The following PRKG1 variants were observed in gnomAD, a reference collection of about 807,000 sequenced individuals.
PRKG1 encodes the protein protein kinase cGMP-dependent 1.
In PRKG1, 35 loss-of-function variants were observed where a neutral mutation model predicts 88.1. That is an observed-to-expected ratio of 0.40 (90% CI 0.30 to 0.53). The LOEUF (loss-of-function observed/expected upper bound fraction) is 0.53, where lower values mean the gene tolerates loss of function less well. Ranked by LOEUF, PRKG1 falls within the 20% of genes least tolerant of loss-of-function variation. PRKG1 has a pLI of 0.59. For synonymous variants in PRKG1, 303 were observed against 292.5 expected, an observed-to-expected ratio of 1.04 and a Z score of -0.37; for missense variants, 540 against 839.8, an observed-to-expected ratio of 0.64 and a Z score of 4.41.
intron 2 of PRKG1, among the ~76,000 whole-genome samples, chr10:51,163,060 G>A (rs1234902265): frequency 6.6e-6 from 1 of 152,110 alleles, no homozygotes; most frequent in Non-Finnish European, 1.5e-5. Flanking sequence ...AGCTACACAG[G>A]AGGCTGAGGC....
chr10:51,151,296 C>T (rs1846066214), intron 1 of PRKG1, among the ~76,000 whole-genome samples: 1 of 151,890 alleles, frequency 6.6e-6, no homozygotes, highest in Admixed American at 6.6e-5. Context: ...ATTCTTGAGA[C>T]CAGGAGTGGT....
At chr10:51,613,491 A>AT (rs1249935375) in intron 3 of PRKG1, among the ~76,000 whole-genome samples, 1 of 150,798 alleles carries the variant, frequency 6.6e-6, no homozygotes, top group African/African-American at 2.4e-5. Context: ...ATTCTTTGTA[A>AT]TTTTTTTAGT....
At chr10:51,352,429 A>G (rs1842270715) in intron 2 of PRKG1, among the ~76,000 whole-genome samples, 1 of 152,090 alleles carries the variant, frequency 6.6e-6, no homozygotes, top group African/African-American at 2.4e-5. Context: ...TTCCTTGAGC[A>G]GTGGTTCTAT....
intron 3 of PRKG1, among the ~76,000 whole-genome samples, chr10:51,474,247 C>T (rs1239808816): frequency 6.6e-6 from 1 of 151,966 alleles, no homozygotes; most frequent in Non-Finnish European, 1.5e-5. Flanking sequence ...TCTGACACTA[C>T]TTTGCTATAT....
intron 2 of PRKG1, among the ~76,000 whole-genome samples, chr10:51,298,985 A>G (rs1230469117): frequency 3.3e-5 from 5 of 152,192 alleles, no homozygotes; most frequent in Admixed American, 1.3e-4. Flanking sequence ...GCAATGGAGC[A>G]CAAAGGTTTG....
chr10:51,828,649 T>C (rs975421127), intron 4 of PRKG1, among the ~76,000 whole-genome samples: 3 of 152,188 alleles, frequency 2.0e-5, no homozygotes, highest in Non-Finnish European at 4.4e-5. Context: ...TTAAATTTTG[T>C]TCTAATGAAG....
At chr10:51,718,039 T>C (rs1425099331) in intron 3 of PRKG1, among the ~76,000 whole-genome samples, 1 of 152,128 alleles carries the variant, frequency 6.6e-6, no homozygotes, top group African/African-American at 2.4e-5. Context: ...AATTATTTCT[T>C]GTGCACTAGA....
intron 5 of PRKG1, among the ~76,000 whole-genome samples, chr10:52,046,247 A>T (rs1306443441): frequency 6.6e-6 from 1 of 152,116 alleles, no homozygotes; most frequent in Non-Finnish European, 1.5e-5. Flanking sequence ...TTTATGAGTT[A>T]TAAGATTCAG....
chr10:51,223,533 A>G (rs1428584312), intron 2 of PRKG1, among the ~76,000 whole-genome samples: 1 of 152,202 alleles, frequency 6.6e-6, no homozygotes, highest in Non-Finnish European at 1.5e-5. Context: ...TGTATTCTCT[A>G]TAGGATTCTA....
At chr10:52,027,332 G>T (rs1294274752) in intron 5 of PRKG1, among the ~76,000 whole-genome samples, 1 of 152,156 alleles carries the variant, frequency 6.6e-6, no homozygotes, top group Non-Finnish European at 1.5e-5. Flanking sequence ...TGGTGGATGA[G>T]GGTGAGTGTG....
At chr10:51,820,885 A>G (rs1482470725) in intron 4 of PRKG1, among the ~76,000 whole-genome samples, 1 of 152,204 alleles carries the variant, frequency 6.6e-6, no homozygotes, top group Non-Finnish European at 1.5e-5. Flanking sequence ...GTACTGTAAA[A>G]TACACAAATC....
chr10:52,016,865 T>C (rs1239241016), intron 5 of PRKG1, among the ~76,000 whole-genome samples: 1 of 152,062 alleles, frequency 6.6e-6, no homozygotes, highest in Non-Finnish European at 1.5e-5. Flanking sequence ...AACAAAGAGA[T>C]GAAGAGAAGA....
intron 5 of PRKG1, among the ~76,000 whole-genome samples, chr10:51,929,037 A>G (rs1842634535): frequency 6.6e-6 from 1 of 152,200 alleles, no homozygotes; most frequent in African/African-American, 2.4e-5. Context: ...GACCAAAACA[A>G]TAACAACAAC....
intron 1 of PRKG1, among the ~76,000 whole-genome samples, chr10:51,132,500 A>G (rs1008970752): frequency 6.6e-6 from 1 of 151,996 alleles, no homozygotes; most frequent in African/African-American, 2.4e-5. Context: ...TCTTCCCTAC[A>G]TAAAAGGTTA....
At chr10:51,663,583 G>C (rs886749286) in intron 3 of PRKG1, among the ~76,000 whole-genome samples, 1 of 151,546 alleles carries the variant, frequency 6.6e-6, no homozygotes, top group African/African-American at 2.4e-5. Context: ...TGAGTGTTGT[G>C]GCACATGCCT....
At chr10:51,628,626 G>A (rs1839436036) in intron 3 of PRKG1, among the ~76,000 whole-genome samples, 1 of 152,088 alleles carries the variant, frequency 6.6e-6, no homozygotes, top group Admixed American at 6.5e-5. Flanking sequence ...AGACTATTCT[G>A]GTAAGTGCCT....
chr10:51,656,077 A>G (rs1840153913), intron 3 of PRKG1, among the ~76,000 whole-genome samples: 1 of 152,174 alleles, frequency 6.6e-6, no homozygotes, highest in Non-Finnish European at 1.5e-5. Flanking sequence ...TGAGATGTAC[A>G]AGAAAAGAAC....
chr10:51,460,990 T>C (rs945895019), intron 2 of PRKG1, among the ~76,000 whole-genome samples: 2 of 152,164 alleles, frequency 1.3e-5, no homozygotes, highest in Non-Finnish European at 2.9e-5. Flanking sequence ...CCTTGATAAG[T>C]ATATTGACTC....
intron 8 of PRKG1, among the ~76,000 whole-genome samples, chr10:52,148,103 C>T (rs1329035445): frequency 6.6e-6 from 1 of 152,154 alleles, no homozygotes; most frequent in Non-Finnish European, 1.5e-5. Context: ...AAATCAGACT[C>T]CTGGGATCAA....
Sources: gnomAD v4.1 joint callset for allele counts (sites outside exome capture counted in the v4.1 genomes callset) on GRCh38, gnomAD v4.1.1 for gene constraint, MANE v1.5 for transcripts, NCBI Gene and HGNC (gene_info 2026-07-23, HGNC 2026-07-21) for gene names.